TRPS1: variants seen among roughly 807,000 people sequenced by gnomAD.
TRPS1 encodes transcriptional repressor GATA binding 1, also known as zinc finger transcription factor Trps1.
In TRPS1, 6 loss-of-function variants were observed where a neutral mutation model predicts 101.2. That is an observed-to-expected ratio of 0.06 (90% confidence interval 0.03 to 0.12). The LOEUF (loss-of-function observed/expected upper bound fraction) is 0.12, where lower values mean the gene tolerates loss of function less well. Ranked by LOEUF, TRPS1 falls within the 10% of genes least tolerant of loss-of-function variation. The pLI, the probability that TRPS1 is intolerant of heterozygous loss-of-function variation, is 1.00. For missense variants in TRPS1, 1,363 were observed against 1,567.0 expected, an observed-to-expected ratio of 0.87 and a Z score of 2.20; for synonymous variants, 578 against 589.8, an observed-to-expected ratio of 0.98 and a Z score of 0.29.
chr8:115,462,000 C>T (rs1814192587), intron 5 of TRPS1, among the ~76,000 whole-genome samples: 1 of 152,144 alleles, frequency 6.6e-6, no homozygotes, highest in Non-Finnish European at 1.5e-5. Context: ...TACCTATCTT[C>T]AACACCTTTC....
At chr8:115,423,263 G>A (rs1042905934) in intron 5 of TRPS1, among the ~76,000 whole-genome samples, 1 of 152,200 alleles carries the variant, frequency 6.6e-6, no homozygotes, top group African/African-American at 2.4e-5. Context: ...TTGCATTTGT[G>A]TTGTCTCCAG....
intron 5 of TRPS1, among the ~76,000 whole-genome samples, chr8:115,564,206 T>C (rs1037494317): frequency 6.6e-6 from 1 of 152,106 alleles, no homozygotes; most frequent in African/African-American, 2.4e-5. Context: ...ATGGGGTACA[T>C]TATTAGATTT....
rs1812968016 is a variant in TRPS1 at position 115,418,241 on chromosome 8, G to A, written c.2823+89C>T. ...AAACAACCCTGCGGGGGCAGGCACTGCAAGCCAGGGAATGGGACTTATCAC... is the reference window on the plus strand; with the variant it reads ...AAACAACCCTGCGGGGGCAGGCACTACAAGCCAGGGAATGGGACTTATCAC... On this transcript the variant is annotated intron_variant, in intron 6 of 6. Coordinates refer to ENST00000395715, the MANE Select transcript of TRPS1 (RefSeq NM_014112.5). This position sits in a 1 kb window ranked among gnomAD's most constrained non-coding sequence, Gnocchi z 4.3. 2.5e-6 allele frequency: 4 copies of A among 1,609,646 alleles called. No homozygotes were observed. In the Admixed American group the frequency reaches 5.0e-5, roughly 20 times the overall value.
At chr8:115,667,954 C>A in intron 1 of TRPS1, 1 of 1,520,664 alleles carries the variant, frequency 6.6e-7, no homozygotes, top group Non-Finnish European at 8.8e-7. Flanking sequence ...GCGGCGGCGG[C>A]CCCTCGGGTC....
chr8:115,417,378 T>C (rs1439209490), intron 6 of TRPS1, among the ~76,000 whole-genome samples: 3 of 152,170 alleles, frequency 2.0e-5, no homozygotes, highest in Non-Finnish European at 2.9e-5. Context: ...GGTCCATATA[T>C]GAGAACATTT....
chr8:115,552,573 T>C (rs1458384474), intron 5 of TRPS1, among the ~76,000 whole-genome samples: 1 of 152,152 alleles, frequency 6.6e-6, no homozygotes, highest in African/African-American at 2.4e-5. Flanking sequence ...ATGACCATCA[T>C]TTATGCAATA....
At chr8:115,439,547 A>G (rs1813538098) in intron 5 of TRPS1, among the ~76,000 whole-genome samples, 1 of 152,234 alleles carries the variant, frequency 6.6e-6, no homozygotes, top group Non-Finnish European at 1.5e-5. Context: ...TTATTTTAAT[A>G]GTGAAAAAGT....
At chr8:115,485,472 T>A (rs1286773325) in intron 5 of TRPS1, among the ~76,000 whole-genome samples, 1 of 152,202 alleles carries the variant, frequency 6.6e-6, no homozygotes, top group Non-Finnish European at 1.5e-5. Context: ...TTTGCAGTAT[T>A]TTAAGCTGCT....
At chr8:115,591,034 A>C (rs1817669571) in intron 4 of TRPS1, among the ~76,000 whole-genome samples, 1 of 151,956 alleles carries the variant, frequency 6.6e-6, no homozygotes, top group Admixed American at 6.6e-5. Context: ...GGCCCAGTAG[A>C]ATATATTCTA....
At chr8:115,545,963 A>C (rs1563592355) in intron 5 of TRPS1, among the ~76,000 whole-genome samples, 1 of 152,122 alleles carries the variant, frequency 6.6e-6, no homozygotes, top group Admixed American at 6.5e-5. Context: ...AGATAACCTA[A>C]AACAGTTTAT....
chr8:115,551,516 C>T lies in TRPS1; in HGVS notation c.2700+35485G>A, dbSNP rs183122464. Among the ~76,000 whole-genome samples the T allele has an allele frequency of 2.0e-3, 297 of 152,210 alleles. 1 individual carries two copies. The highest frequency in any genetic ancestry group is 3.1e-3 in the Non-Finnish European group (209 of 68,008). On this transcript the variant is annotated intron_variant, in intron 5 of 6. Transcript: ENST00000395715. ...TTCCATTTTTGTGAAGTAAATGTGACAAATGTATGCCACTAAAGTCTTTAT... is the reference window on the plus strand; with the variant it reads ...TTCCATTTTTGTGAAGTAAATGTGATAAATGTATGCCACTAAAGTCTTTAT...
chr8:115,464,964 C>A (rs2129989452), intron 5 of TRPS1, among the ~76,000 whole-genome samples: 1 of 152,158 alleles, frequency 6.6e-6, no homozygotes. Flanking sequence ...CGCAATCAAG[C>A]AAAGTTTAAT....
chr8:115,640,797 C>T (rs1330371496), intron 1 of TRPS1, among the ~76,000 whole-genome samples: 1 of 152,184 alleles, frequency 6.6e-6, no homozygotes, highest in African/African-American at 2.4e-5. Flanking sequence ...AACTGAAGCG[C>T]TGAAAACTAA....
At chr8:115,503,122 C>T (rs1027267601) in intron 5 of TRPS1, among the ~76,000 whole-genome samples, 11 of 151,730 alleles carry the variant, frequency 7.2e-5, no homozygotes, top group Non-Finnish European at 1.6e-4. Context: ...GGCGTGGTGG[C>T]GGGCGCTTGT....
At chr8:115,634,127 T>TA (rs1286744821) in intron 1 of TRPS1, among the ~76,000 whole-genome samples, 2 of 152,218 alleles carry the variant, frequency 1.3e-5, no homozygotes, top group Non-Finnish European at 2.9e-5. Flanking sequence ...TACACACAGA[T>TA]ATGATACAAT....
rs374694464 is a variant in TRPS1, at chr8:115,576,322, G to GATATAGATATAGATATAT, written c.2700+10678_2700+10679insATATATCTATATCTATAT. 4.9e-3 allele frequency among the ~76,000 whole-genome samples: 701 copies of GATATAGATATAGATATAT among 143,268 alleles called. 113 individuals are homozygous for GATATAGATATAGATATAT. Among genetic ancestry groups the GATATAGATATAGATATAT allele is most frequent in the African/African-American group, 0.017 (643 of 37,750 alleles). The allele number at this position is 143,268 out of a possible 152,430, so 94.0% of individuals were successfully genotyped here. A position where few individuals can be genotyped will look rare whatever the true frequency, so the allele number is the denominator to read the frequency against. On this transcript the variant is annotated intron_variant, in intron 5 of 6. Coordinates refer to ENST00000395715, the MANE Select transcript of TRPS1 (RefSeq NM_014112.5). Reference sequence around the variant, plus strand: ...AGATATAGATATAGATATAGATCTAGATCTTTGGACATCAGCATCATTACG... The same window carrying GATATAGATATAGATATAT: ...AGATATAGATATAGATATAGATCTAGATATAGATATAGATATATATCTTTGGACATCAGCATCATTACG...
chr8:115,501,219 C>T (rs868074625), intron 5 of TRPS1, among the ~76,000 whole-genome samples: 2 of 152,144 alleles, frequency 1.3e-5, no homozygotes, highest in East Asian at 1.9e-4. Flanking sequence ...TGGTTTACTA[C>T]GTATTCACTT....
intron 5 of TRPS1, among the ~76,000 whole-genome samples, chr8:115,510,119 CT>C (rs1304661445): frequency 6.6e-6 from 1 of 151,974 alleles, no homozygotes; most frequent in Non-Finnish European, 1.5e-5. Context: ...AAATTAGCCT[CT>C]GTGCATCCTC....
intron 5 of TRPS1, among the ~76,000 whole-genome samples, chr8:115,518,943 C>T (rs890048277): frequency 1.3e-5 from 2 of 151,762 alleles, no homozygotes; most frequent in Non-Finnish European, 2.9e-5. Flanking sequence ...GGTTATCCAT[C>T]TCATGTGCTA....
Sources: gnomAD v4.1 joint callset for allele counts (sites outside exome capture counted in the v4.1 genomes callset) on GRCh38, gnomAD v4.1.1 for gene constraint, Gnocchi (gnomAD v3.1) non-coding constraint, MANE v1.5 for transcripts, NCBI Gene and HGNC (gene_info 2026-07-23, HGNC 2026-07-21) for gene names.